DENND1C: variants seen among roughly 807,000 people sequenced by gnomAD.
The protein encoded by DENND1C is DENN domain-containing protein 1C.
A neutral mutation model predicts 87.9 loss-of-function variants in DENND1C; 64 were observed. The observed-to-expected ratio is 0.73, with a 90% confidence interval of 0.60 to 0.90. DENND1C has a LOEUF of 0.90. DENND1C is among the 40% of genes least tolerant of loss of function. The pLI is 0.00. For synonymous variants in DENND1C, 384 were observed against 424.4 expected (o/e 0.90, Z 1.17); for missense variants, 980 against 1,037.0 (o/e 0.95, Z 0.76).
chr19:6,471,585 C>A, intron 15 of DENND1C, 89 bp from the exon 16 acceptor site: 1 of 1,223,166 alleles, frequency 8.2e-7, no homozygotes, highest in Non-Finnish European at 1.1e-6. Flanking sequence ...GATGTAGAAG[C>A]CATCTCTGGC....
chr19:6,479,902 T>A lies in DENND1C; in HGVS notation c.83A>T (p.Asp28Val), dbSNP rs1364000721. 5 of 1,603,102 alleles carry A rather than the reference T, an allele frequency of 3.1e-6. No individual in the cohort carries two copies. Among genetic ancestry groups the A allele is most frequent in the Non-Finnish European group, 4.3e-6 (5 of 1,175,204 alleles). Residue 28 changes from aspartate to valine, a missense_variant and splice_region_variant, in exon 3 of 23, where the codon GAT (aspartate) becomes GTT (valine). Asp to Val is a radical substitution (Grantham distance 152). Transcript: ENST00000381480. ...AGGGAACTGCCGCAGGATGGGGGGA[T>A]CTGTAGAAGAGAGCACGCCTCTAAG... is the stretch of plus-strand genomic sequence containing the variant. Reference protein sequence around the residue: ...EAACPASLQEDPPILRQFPPD... With the variant: ...EAACPASLQEVPPILRQFPPD...
In DENND1C at chr19:6,467,844, G is replaced by T. The variant is rs765432494; in HGVS notation, c.2066C>A (p.Ala689Glu). The change falls in exon 23 of 23, where the codon GCA (alanine) becomes GAA (glutamate). Residue 689 changes from alanine to glutamate, a missense_variant. Transcript: ENST00000381480. ...LILHLTPSHKAAEDSTAQENP... is the reference protein window; with the variant it reads ...LILHLTPSHKEAEDSTAQENP... Reference sequence around the variant, plus strand: ...TTCCTGGGCTGTAGAATCTTCAGCTGCCTTGTGGGAAGGGGTGAGATGAAG... The same window carrying T: ...TTCCTGGGCTGTAGAATCTTCAGCTTCCTTGTGGGAAGGGGTGAGATGAAG... The T allele has an allele frequency of 1.3e-6, 2 of 1,585,192 alleles. No individual in the cohort carries two copies. The highest frequency in any genetic ancestry group is 2.3e-5 in the South Asian group (2 of 86,352).
In DENND1C at chr19:6,476,391, C is replaced by G. The variant is rs2092860756; in HGVS notation, c.679-454G>C. On this transcript the variant is annotated intron_variant, in intron 10 of 22. Transcript: ENST00000381480. ...GGGTGGAGCCAGTCTCCACGTCTGC[C>G]TTTGACCCTGGGTTTCAGGGTCCCT... 3 of 182,794 alleles carry G rather than the reference C, an allele frequency of 1.6e-5. No homozygotes were observed. In the South Asian group the frequency reaches 3.9e-4, roughly 24 times the overall value. The allele number at this position is 182,794 out of a possible 1,614,324, so 11.3% of individuals were successfully genotyped here. A position where few individuals can be genotyped will look rare whatever the true frequency, so the allele number is the denominator to read the frequency against.
chr19:6,467,458 T>C lies in DENND1C; in HGVS notation c.*46A>G, dbSNP rs756305849. On this transcript the variant is annotated 3_prime_UTR_variant, in exon 23 of 23. Transcript: ENST00000381480. ...GAAAAAAACCAGCTTTTTTGGGCTCTTGTGGCTTTATTGAGGGACTGGGGT... is the reference window on the plus strand; with the variant it reads ...GAAAAAAACCAGCTTTTTTGGGCTCCTGTGGCTTTATTGAGGGACTGGGGT... The C allele has an allele frequency of 8.1e-6, 12 of 1,479,592 alleles. No individual in the cohort carries two copies. In the East Asian group the frequency reaches 2.0e-4, roughly 25 times the overall value. 91.7% of individuals were successfully genotyped at this position (1,479,592 alleles called of 1,614,324 possible). A position where few individuals can be genotyped will look rare whatever the true frequency, so the allele number is the denominator to read the frequency against.
rs1382017490 is a variant in DENND1C at position 6,468,377 on chromosome 19, A to G, written c.1648T>C (p.Phe550Leu). ...TCCAGTTCTTCTCCAGACCCCAAGA[A>G]GCTGCTGTCCAGAGCTTCTTCTGCC... ...PWAEEALDSS[F>L]LGSGEELDLL... The change falls in exon 22 of 23, where the codon TTC becomes CTC. Residue 550 changes from phenylalanine to leucine, a missense_variant. Transcript: ENST00000381480. 2 of 1,613,920 alleles carry G rather than the reference A, an allele frequency of 1.2e-6. No individual in the cohort carries two copies. The highest frequency in any genetic ancestry group is 8.5e-7 in the Non-Finnish European group (1 of 1,179,860).
Position 6,477,416 on chromosome 19 carries a change from A to G in DENND1C, c.409T>C (p.Ser137Pro), listed in dbSNP as rs370960885. Residue 137 changes from serine (S) to proline (P), a missense_variant, in exon 7 of 23, where the codon TCC (serine) becomes CCC (proline). Physicochemically the swap from Ser to Pro is moderately conservative, Grantham distance 74 (BLOSUM62 -1). Transcript: ENST00000381480. Reference protein sequence around the residue: ...EELLQNLFQQSLSGPQASVGL... With the variant: ...EELLQNLFQQPLSGPQASVGL... ...ACTGAGGCCTGGGGCCCAGACAGGG[A>G]CTGCTGAAACAGATTTTGAAGAAGT... 25 of 1,613,286 alleles carry G rather than the reference A, an allele frequency of 1.5e-5. No homozygotes were observed. Among genetic ancestry groups the G allele is most frequent in the Non-Finnish European group, 1.9e-5 (23 of 1,179,772 alleles).
intron 16 of DENND1C, 46 bp downstream of exon 16, chr19:6,471,360 C>T (rs1313031702): frequency 6.3e-7 from 1 of 1,588,038 alleles, no homozygotes; most frequent in South Asian, 1.1e-5. Context: ...GCTGGGGGTG[C>T]TGGTGGCGGG....
intron 10 of DENND1C, 34 bp from the exon 11 acceptor site, chr19:6,475,971 C>T: frequency 1.3e-6 from 2 of 1,513,812 alleles, no homozygotes; most frequent in Non-Finnish European, 8.8e-7. Flanking sequence ...GAGTCAGGGC[C>T]TGGACCCTCT....
At chr19:6,470,921 G>C (rs1260369561) in intron 17 of DENND1C, among the ~76,000 whole-genome samples, 1 of 151,828 alleles carries the variant, frequency 6.6e-6, no homozygotes, top group Non-Finnish European at 1.5e-5. Flanking sequence ...GCCTCCCAAA[G>C]TGCTGGGATT....
rs2092868686 is a variant in DENND1C at position 6,477,371 on chromosome 19, T to A, written c.447+7A>T. 1 of 1,613,118 alleles carries A rather than the reference T, an allele frequency of 6.2e-7. No homozygotes were observed. The highest frequency in any genetic ancestry group is 1.7e-5 in the Admixed American group (1 of 59,944). ...GGTCCAGCGCCCAGGGAATGGGAGC[T>A]ACTCACCAGCTCAAGCCCCACTGAG... On this transcript the variant is annotated splice_region_variant and intron_variant, in intron 7 of 22. Coordinates refer to ENST00000381480, the MANE Select transcript of DENND1C (RefSeq NM_024898.4).
chr19:6,474,898 G>T lies in DENND1C; in HGVS notation c.1053+376C>A, dbSNP rs557843596. Among the ~76,000 whole-genome samples the T allele has an allele frequency of 4.0e-5, 6 of 151,856 alleles. No homozygotes were observed. The South Asian group carries it at 1.3e-3, about 32-fold the overall frequency. ...AGCCTGGCCAACATGGAGAAACCCC[G>T]TTTTTACTAAAACTACAAAAATTAG... On this transcript the variant is annotated intron_variant, in intron 14 of 22. Coordinates refer to ENST00000381480, the MANE Select transcript of DENND1C (RefSeq NM_024898.4).
chr19:6,472,984 C>T lies in DENND1C; in HGVS notation c.1063G>A (p.Val355Met), dbSNP rs1056803744. The change falls in exon 15 of 23, where the codon GTG becomes ATG. Residue 355 changes from valine (V) to methionine (M), a missense_variant. By Grantham distance (21) the Val-to-Met change is conservative. Coordinates refer to ENST00000381480, the MANE Select transcript of DENND1C (RefSeq NM_024898.4). ...AAGAAGACTTCCTCACTGAAGGTCACTGGCTGGCCCTGGAAGAAGCGTTGG... is the reference window on the plus strand; with the variant it reads ...AAGAAGACTTCCTCACTGAAGGTCATTGGCTGGCCCTGGAAGAAGCGTTGG... ...DALVCSPGQP[V>M]TFSEEVFLAQ... 3 of 1,548,738 alleles carry T rather than the reference C, an allele frequency of 1.9e-6. No individual in the cohort carries two copies. Among genetic ancestry groups the T allele is most frequent in the Non-Finnish European group, 1.7e-6 (2 of 1,149,122 alleles).
At position 6,468,902 on chromosome 19, in the gene DENND1C, G is replaced by A; in HGVS notation, c.1459C>T (p.Pro487Ser). The change falls in exon 20 of 23, where the codon CCC (proline) becomes TCC (serine). Residue 487 changes from proline to serine, a missense_variant. Coordinates refer to ENST00000381480, the MANE Select transcript of DENND1C (RefSeq NM_024898.4). Reference protein sequence around the residue: ...RGGSLRAPALPSRSDRLQQRL... With the variant: ...RGGSLRAPALSSRSDRLQQRL... ...TGCTGCAGGCGGTCTGAGCGGCTGG[G>A]GAGGGCTGGGGCCCTCAGAGAGCCC... The A allele has an allele frequency of 2.7e-6, 4 of 1,487,422 alleles. No individual in the cohort carries two copies. Among genetic ancestry groups the A allele is most frequent in the Non-Finnish European group, 3.6e-6 (4 of 1,123,842 alleles). 92.1% of individuals were successfully genotyped at this position (1,487,422 alleles called of 1,614,324 possible).
chr19:6,474,726 G>C (rs1193466237), intron 14 of DENND1C, among the ~76,000 whole-genome samples: 1 of 151,964 alleles, frequency 6.6e-6, no homozygotes, highest in African/African-American at 2.4e-5. Flanking sequence ...CACAAAGTAA[G>C]CACTCCATTA....
At chr19:6,478,419 T>TG (rs1379974873) in intron 6 of DENND1C, among the ~76,000 whole-genome samples, 1 of 150,840 alleles carries the variant, frequency 6.6e-6, no homozygotes, top group Admixed American at 6.6e-5. Context: ...ATTTTTTTTT[T>TG]TTTTTTTTGT....
At chr19:6,471,026 C>T (rs1261237951) in intron 17 of DENND1C, among the ~76,000 whole-genome samples, 1 of 151,912 alleles carries the variant, frequency 6.6e-6, no homozygotes, top group Non-Finnish European at 1.5e-5. Context: ...ATGATCTCGG[C>T]TCACTACAAC....
At chr19:6,471,599 C>A in intron 15 of DENND1C, 103 bp from the exon 16 acceptor site, 1 of 1,053,320 alleles carries the variant, frequency 9.5e-7, no homozygotes, top group Non-Finnish European at 1.3e-6. Context: ...CTCTGGCCTC[C>A]AACCTGCCCA....
intron 1 of DENND1C, 107 bp downstream of exon 1, chr19:6,481,572 G>A (rs1231019437): frequency 1.3e-6 from 2 of 1,536,212 alleles, no homozygotes; most frequent in African/African-American, 1.4e-5. Flanking sequence ...TGCCCTGGCA[G>A]GTCACTGCAC....
At chr19:6,471,614 C>A (rs2092830099) in intron 15 of DENND1C, 118 bp from the exon 16 acceptor site, 2 of 868,800 alleles carry the variant, frequency 2.3e-6, no homozygotes, top group Non-Finnish European at 3.4e-6. Context: ...TGCCCACCCC[C>A]AAGCACCTGG....
Sources: gnomAD v4.1 joint callset for allele counts (sites outside exome capture counted in the v4.1 genomes callset) on GRCh38, gnomAD v4.1.1 for gene constraint, MANE v1.5 for transcripts, NCBI Gene and HGNC (gene_info 2026-07-23, HGNC 2026-07-21) for gene names.